Variants in PDGFA observed in about 807,000 individuals in gnomAD.
The protein encoded by PDGFA is platelet derived growth factor subunit A, also known as platelet-derived growth factor subunit A.
Under a neutral mutation model 25.6 loss-of-function variants are expected in PDGFA, and 9 were observed. The ratio of observed to expected loss-of-function variants is 0.35; its 90% CI spans 0.21 to 0.61. The LOEUF (loss-of-function observed/expected upper bound fraction) is 0.61. PDGFA is among the 20% of genes least tolerant of loss of function. The probability of loss-of-function intolerance (pLI) is 0.75; values close to 1 mark genes in which losing one functional copy is unlikely to be tolerated. For synonymous variants in PDGFA, 133 were observed against 111.8 expected, an observed-to-expected ratio of 1.19 and a Z score of -1.20; for missense variants, 242 against 272.8, an observed-to-expected ratio of 0.89 and a Z score of 0.79.
intron 3 of PDGFA, among the ~76,000 whole-genome samples, chr7:511,261 ACTTAGTCCAGGTGGGGCCAGTGGCT>A: frequency 8.2e-6 from 1 of 121,974 alleles, no homozygotes; most frequent in African/African-American, 3.2e-5. Context: ...GGGGAGGGGA[ACTTAGTCCAGGTGGGGCCAGTGGCT>A]GGGGGTGGGG....
chr7:513,651 G>A (rs1433988319), intron 2 of PDGFA, among the ~76,000 whole-genome samples: 6 of 152,132 alleles, frequency 3.9e-5, no homozygotes, highest in Admixed American at 2.0e-4. Context: ...CAATCCAGAC[G>A]GCTAATGGGC....
At chr7:508,351 A>C (rs1782654115) in intron 4 of PDGFA, among the ~76,000 whole-genome samples, 1 of 151,890 alleles carries the variant, frequency 6.6e-6, no homozygotes, top group Admixed American at 6.6e-5. Flanking sequence ...AGCTGACTTG[A>C]GCCCAGGGGG....
At chr7:512,308 C>G in intron 3 of PDGFA, 43 bp downstream of exon 3, 2 of 1,560,696 alleles carry the variant, frequency 1.3e-6, no homozygotes, top group Non-Finnish European at 1.7e-6. Flanking sequence ...TGGACTCACC[C>G]TGACCCGGCC....
chr7:515,453 CGA>C (rs1331508214), intron 2 of PDGFA, among the ~76,000 whole-genome samples: 6 of 152,186 alleles, frequency 3.9e-5, no homozygotes, highest in Non-Finnish European at 7.3e-5. Flanking sequence ...TGTCCTCAGG[CGA>C]GAGACTGTGG....
chr7:499,718 CTT>C (rs1562483065), intron 5 of PDGFA, among the ~76,000 whole-genome samples: 3 of 95,130 alleles, frequency 3.2e-5, no homozygotes, highest in African/African-American at 9.2e-5. Context: ...TTATTTTGCC[CTT>C]CCCCCCCCCC....
In PDGFA at chr7:510,815, G is replaced by C. The variant is rs199854063; in HGVS notation, c.447C>G (p.Ser149Arg). The C allele has an allele frequency of 5.1e-6, 8 of 1,566,046 alleles. No individual in the cohort carries two copies. Among genetic ancestry groups the C allele is most frequent in the Non-Finnish European group, 6.9e-6 (8 of 1,158,454 alleles). Reference sequence around the variant, plus strand: ...AGGGGAGGGGAGGGCTCACCTTGACGCTGCGGTGGTGGACGCGGGAGGGCT... The same window carrying C: ...AGGGGAGGGGAGGGCTCACCTTGACCCTGCGGTGGTGGACGCGGGAGGGCT... Residue 149 changes from serine (S) to arginine (R), a missense_variant, in exon 4 of 6, where the codon AGC (serine) becomes AGG (arginine). Physicochemically the swap from Ser to Arg is moderately radical, Grantham distance 110. This residue lies in a region of PDGFA where 37 missense variants were observed against 27.0 expected (regional missense o/e 1.37). Transcript: ENST00000402802.
At chr7:502,768 TCACACACACACACACA>T (rs71016866) in intron 4 of PDGFA, among the ~76,000 whole-genome samples, 375 of 126,118 alleles carry the variant, frequency 3.0e-3, no homozygotes, top group African/African-American at 9.8e-3. Flanking sequence ...AGGCAAGAAA[TCACACACACACACACA>T]CACACACACA....
Position 500,463 on chromosome 7 carries a change from T to C in PDGFA, c.580+653A>G. ...GCTGCTTTAGGTGGGTTTTAACCTT[T>C]TTCTTTTCCGTTTTTTACCTGACTC... On this transcript the variant is annotated intron_variant, in intron 5 of 5. Coordinates refer to ENST00000402802, the Ensembl canonical transcript of PDGFA. This position sits in a 1 kb window ranked among gnomAD's most constrained non-coding sequence, Gnocchi z 5.0. 1.9e-6 allele frequency: 3 copies of C among 1,614,116 alleles called. No homozygotes were observed. The highest frequency in any genetic ancestry group is 2.5e-6 in the Non-Finnish European group (3 of 1,180,034).
chr7:510,481 G>A (rs1479267940), intron 4 of PDGFA, among the ~76,000 whole-genome samples: 2 of 148,506 alleles, frequency 1.3e-5, no homozygotes, highest in African/African-American at 2.5e-5. Context: ...GGGCGGCCCC[G>A]GGCTCGGGTG....
Position 500,378 on chromosome 7 carries a change from C to CT in PDGFA, c.580+737_580+738insA. On this transcript the variant is annotated intron_variant, in intron 5 of 5. Transcript: ENST00000402802. This position sits in a 1 kb window ranked among gnomAD's most constrained non-coding sequence, Gnocchi z 5.0. ...AGCGTGATTTGCTGGTGTGATCAGT[C>CT]AGTTGCACCTCCCCGCCCTGCAGGA... is the stretch of plus-strand genomic sequence containing the variant. 1 of 1,580,816 alleles carries CT rather than the reference C, an allele frequency of 6.3e-7. No homozygotes were observed. The highest frequency in any genetic ancestry group is 1.1e-5 in the South Asian group (1 of 90,364).
rs1175471907 is a variant in PDGFA, at chr7:510,793, G to A, written c.453+16C>T. ...GGAGGGGAGGGGAGGGGAGGGGAGG[G>A]GAGGGGAGGGCTCACCTTGACGCTG... On this transcript the variant is annotated intron_variant, in intron 4 of 5. Transcript: ENST00000402802. 8 of 1,318,546 alleles carry A rather than the reference G, an allele frequency of 6.1e-6. No homozygotes were observed. Among genetic ancestry groups the A allele is most frequent in the Non-Finnish European group, 8.2e-6 (8 of 971,970 alleles). 81.7% of individuals were successfully genotyped at this position (1,318,546 alleles called of 1,614,324 possible).
chr7:518,091 C>G (rs1421867681), intron 1 of PDGFA, among the ~76,000 whole-genome samples: 4 of 152,176 alleles, frequency 2.6e-5, no homozygotes, highest in Non-Finnish European at 5.9e-5. Context: ...GCCCTAGCGC[C>G]GACTAAGACG....
Position 498,579 on chromosome 7 carries a change from A to G in PDGFA, c.581-5T>C. 6.2e-7 allele frequency: 1 copy of G among 1,610,010 alleles called. No homozygotes were observed. Among genetic ancestry groups the G allele is most frequent in the South Asian group, 1.1e-5 (1 of 89,822 alleles). On this transcript the variant is annotated splice_region_variant and splice_polypyrimidine_tract_variant and intron_variant, in intron 5 of 5. Transcript: ENST00000402802. ...CGGCTCATCCTCACCTCACATCTGCAGGGAGAAGGGAAAGACAGACACTGA... is the reference window on the plus strand; with the variant it reads ...CGGCTCATCCTCACCTCACATCTGCGGGGAGAAGGGAAAGACAGACACTGA...
At chr7:513,789 A>C (rs775985543) in intron 2 of PDGFA, among the ~76,000 whole-genome samples, 1 of 152,208 alleles carries the variant, frequency 6.6e-6, no homozygotes, top group Non-Finnish European at 1.5e-5. Context: ...GAGCCTGCGG[A>C]TTTAAAATGA....
chr7:508,559 C>CAAAAAAAAAA (rs766165770), intron 4 of PDGFA, among the ~76,000 whole-genome samples: 940 of 35,650 alleles, frequency 0.026, 225 homozygotes, highest in Admixed American at 0.055. Flanking sequence ...GAAGCTGTCC[C>CAAAAAAAAAA]AAAAAAAAAA....
chr7:513,399 AC>A (rs1782953621), intron 2 of PDGFA: 1 of 130,322 alleles, frequency 7.7e-6, no homozygotes, highest in African/African-American at 2.8e-5. Context: ...TAGGGAGAGG[AC>A]CCACAGTCCT....
chr7:512,534 A>T, intron 2 of PDGFA, 79 bp from the exon 3 acceptor site: 1 of 1,603,930 alleles, frequency 6.2e-7, no homozygotes, highest in South Asian at 1.1e-5. Flanking sequence ...CACTTCCCAC[A>T]GACCAGCTTT....
intron 2 of PDGFA, chr7:513,197 G>A (rs536773646): frequency 3.2e-5 from 5 of 155,118 alleles, no homozygotes; most frequent in Non-Finnish European, 5.7e-5. Flanking sequence ...TGGCATCTGC[G>A]AGCCGTGTTT....
At chr7:515,717 C>T (rs1404163430) in intron 2 of PDGFA, among the ~76,000 whole-genome samples, 1 of 152,116 alleles carries the variant, frequency 6.6e-6, no homozygotes, top group East Asian at 1.9e-4. Flanking sequence ...TGGGACATGA[C>T]TGCAGAGGGA....
Sources: allele counts gnomAD v4.1 joint callset (sites outside exome capture counted in the v4.1 genomes callset), GRCh38; gene constraint gnomAD v4.1.1; regional missense constraint gnomAD v4.1.1; non-coding constraint Gnocchi (gnomAD v3.1); transcripts MANE v1.5; gene names NCBI Gene and HGNC (gene_info 2026-07-23, HGNC 2026-07-21).